Variants in SEC62 observed in about 807,000 individuals in gnomAD.
The protein encoded by SEC62 is SEC62 preprotein translocation factor.
SEC62 carries 10 observed loss-of-function variants against 47.5 expected under a neutral mutation model. The observed-to-expected ratio is 0.21, with a 90% CI of 0.13 to 0.36. The LOEUF is 0.36. SEC62 is among the 10% of genes least tolerant of loss of function. SEC62 has a pLI of 1.00. For synonymous variants in SEC62, 136 were observed against 150.5 expected (o/e 0.90, Z 0.71); for missense variants, 327 against 464.1 (o/e 0.70, Z 2.71).
intron 3 of SEC62, among the ~76,000 whole-genome samples, chr3:169,980,688 T>G (rs1714951045): frequency 6.6e-6 from 1 of 152,200 alleles, no homozygotes; most frequent in Admixed American, 6.5e-5. Context: ...AAAGTAAATT[T>G]AAGAAAATGG....
intron 3 of SEC62, among the ~76,000 whole-genome samples, chr3:169,979,001 A>G (rs928237645): frequency 6.6e-6 from 1 of 152,186 alleles, no homozygotes; most frequent in Non-Finnish European, 1.5e-5. Context: ...TGTAAGCCCA[A>G]ATCTCTGAGT....
intron 6 of SEC62, 102 bp downstream of exon 6, chr3:169,985,967 G>A (rs1715096203): frequency 1.4e-6 from 1 of 695,926 alleles, no homozygotes. Flanking sequence ...ACATAAAATA[G>A]TTGTCATTTT....
chr3:169,976,997 A>C lies in SEC62; in HGVS notation c.197A>C (p.Lys66Thr). 6.2e-7 allele frequency: 1 copy of C among 1,611,432 alleles called. No homozygotes were observed. The highest frequency in any genetic ancestry group is 8.5e-7 in the Non-Finnish European group (1 of 1,178,204). Reference sequence around the variant, plus strand: ...GATTCAAAGTGGGCAAAGGCCAAGAAAGGAGAGGAAGCTTTATTTACAACC... The same window carrying C: ...GATTCAAAGTGGGCAAAGGCCAAGACAGGAGAGGAAGCTTTATTTACAACC... ...LLDSKWAKAKKGEEALFTTRE... is the reference protein window; with the variant it reads ...LLDSKWAKAKTGEEALFTTRE... Residue 66 changes from lysine (K) to threonine (T), a missense_variant, in exon 3 of 8, where the codon AAA becomes ACA. Transcript: ENST00000337002.
chr3:169,967,879 TTC>T (rs1714592138), intron 1 of SEC62, among the ~76,000 whole-genome samples: 3 of 142,006 alleles, frequency 2.1e-5, no homozygotes, highest in East Asian at 2.0e-4. Flanking sequence ...ATTTTATCCC[TTC>T]TTTTTTTTTT....
chr3:169,971,364 G>C (rs918471843), intron 1 of SEC62, among the ~76,000 whole-genome samples: 5 of 152,136 alleles, frequency 3.3e-5, no homozygotes, highest in Non-Finnish European at 5.9e-5. Flanking sequence ...GAGCCACTGA[G>C]CCCTGCCTCT....
At chr3:169,989,454 T>G (rs893487182) in intron 7 of SEC62, among the ~76,000 whole-genome samples, 1 of 149,040 alleles carries the variant, frequency 6.7e-6, no homozygotes, top group Non-Finnish European at 1.5e-5. Context: ...ACGGGCACAT[T>G]TGTAGGCCAA....
chr3:169,989,937 G>A (rs1295768038), intron 7 of SEC62, among the ~76,000 whole-genome samples: 1 of 147,480 alleles, frequency 6.8e-6, no homozygotes, highest in African/African-American at 2.5e-5. Flanking sequence ...TATATATTAT[G>A]TATATCGCAT....
chr3:169,976,583 T>G (rs1418511927), intron 2 of SEC62, among the ~76,000 whole-genome samples: 1 of 152,216 alleles, frequency 6.6e-6, no homozygotes, highest in Non-Finnish European at 1.5e-5. Context: ...TGATGAGAAT[T>G]TTTATTACTT....
In SEC62 at chr3:169,992,857, A is replaced by G; in HGVS notation, c.994A>G (p.Thr332Ala). The change falls in exon 8 of 8, where the codon ACA becomes GCA. Residue 332 changes from threonine (T) to alanine (A), a missense_variant. Physicochemically the swap from Thr to Ala is moderately conservative, Grantham distance 58. Around this residue, in one of 3 missense-constraint regions of SEC62, gnomAD observed 102 missense variants for 108.8 expected, o/e 0.94. Transcript: ENST00000337002. The surrounding 1 kb of genome is among the most constrained non-coding windows in gnomAD (Gnocchi z 4.0). ...EGKVGPGNHG[T>A]EGSGGERHSD... ...GAAAGTAGGACCAGGAAATCATGGA[A>G]CAGAAGGCTCGGGGGGAGAACGGCA... The G allele has an allele frequency of 6.2e-7, 1 of 1,614,078 alleles. No homozygotes were observed. Among genetic ancestry groups the G allele is most frequent in the South Asian group, 1.1e-5 (1 of 91,066 alleles).
Position 169,998,164 on chromosome 3 carries a change from G to T in SEC62, c.*5101G>T, listed in dbSNP as rs186300965. On this transcript the variant is annotated 3_prime_UTR_variant, in exon 8 of 8. Transcript: ENST00000337002. ...TCCCTTAGAGGTCTGTGAATTGTAG[G>T]TTAAGAACCCCTGCCCTAGCTAATC... is the stretch of plus-strand genomic sequence containing the variant. 1 of 152,262 alleles carries T rather than the reference G, an allele frequency of 6.6e-6. No individual in the cohort carries two copies. Among genetic ancestry groups the T allele is most frequent in the African/African-American group, 2.4e-5 (1 of 41,546 alleles). 9.4% of individuals were successfully genotyped at this position (152,262 alleles called of 1,614,324 possible). A position where few individuals can be genotyped will look rare whatever the true frequency, so the allele number is the denominator to read the frequency against.
At chr3:169,980,920 A>G (rs1473948305) in intron 3 of SEC62, among the ~76,000 whole-genome samples, 1 of 152,228 alleles carries the variant, frequency 6.6e-6, no homozygotes, top group African/African-American at 2.4e-5. Flanking sequence ...TGGAGTGGAA[A>G]TAAATGTTCC....
intron 7 of SEC62, among the ~76,000 whole-genome samples, chr3:169,988,821 G>A (rs560583288): frequency 4.6e-5 from 7 of 152,020 alleles, no homozygotes; most frequent in African/African-American, 1.2e-4. Context: ...TGGCAGAGGC[G>A]TTTAATATTT....
chr3:169,984,081 T>G (rs1213098197), intron 5 of SEC62: 1 of 152,232 alleles, frequency 6.6e-6, no homozygotes, highest in Non-Finnish European at 1.5e-5. Context: ...TGAACTGTTG[T>G]GAATTTCAGG....
At chr3:169,990,986 A>G (rs893372756) in intron 7 of SEC62, among the ~76,000 whole-genome samples, 15 of 152,244 alleles carry the variant, frequency 9.9e-5, no homozygotes, top group African/African-American at 3.6e-4. Flanking sequence ...AGTCTGTAAC[A>G]TTCACATAAT....
At position 169,981,004 on chromosome 3, in the gene SEC62, A is replaced by G. The variant is rs572644025; in HGVS notation, c.252-1703A>G. On this transcript the variant is annotated intron_variant, in intron 3 of 7. Transcript: ENST00000337002. The stretch of plus-strand genomic sequence containing the variant: ...TATTTTCATTATAGATTTTTTTTGT[A>G]AGACATTCTGGAGTAAAAAATGTAA... Among the ~76,000 whole-genome samples, 399 of 152,288 alleles carry G rather than the reference A, an allele frequency of 2.6e-3. 6 individuals carry two copies. The highest frequency in any genetic ancestry group is 9.1e-3 in the African/African-American group (380 of 41,572).
chr3:169,985,258 C>G (rs1452663451), intron 5 of SEC62: 3 of 152,020 alleles, frequency 2.0e-5, no homozygotes, highest in East Asian at 1.9e-4. Context: ...TTTTTTTCCC[C>G]CAAGACAGAG....
chr3:169,990,112 A>G (rs1297999079), intron 7 of SEC62, among the ~76,000 whole-genome samples: 1 of 150,100 alleles, frequency 6.7e-6, no homozygotes, highest in African/African-American at 2.4e-5. Context: ...ATATATATTC[A>G]TTTTTTGGAG....
chr3:169,987,185 A>G (rs904656884), intron 6 of SEC62, among the ~76,000 whole-genome samples: 4 of 152,070 alleles, frequency 2.6e-5, no homozygotes, highest in Non-Finnish European at 5.9e-5. Flanking sequence ...CTAACACTTT[A>G]GGAGGCCAAG....
chr3:169,991,816 A>G (rs1270111602), intron 7 of SEC62, among the ~76,000 whole-genome samples: 2 of 152,226 alleles, frequency 1.3e-5, no homozygotes, highest in Admixed American at 1.3e-4. Context: ...TTGGACCAAG[A>G]TACATATAGG....
Sources: allele counts gnomAD v4.1 joint callset (sites outside exome capture counted in the v4.1 genomes callset), GRCh38; gene constraint gnomAD v4.1.1; regional missense constraint gnomAD v4.1.1; non-coding constraint Gnocchi (gnomAD v3.1); transcripts MANE v1.5; gene names NCBI Gene and HGNC (gene_info 2026-07-23, HGNC 2026-07-21).